HLA-F: variants seen among roughly 807,000 people sequenced by gnomAD.
The protein encoded by HLA-F is major histocompatibility complex, class I, F, also known as HLA class I histocompatibility antigen, alpha chain F.
In HLA-F, 46 loss-of-function variants were observed where a neutral mutation model predicts 49.5. The observed-to-expected ratio is 0.93, with a 90% CI of 0.73 to 1.19. The LOEUF is 1.19. Ranked by LOEUF, HLA-F falls within the 50% of genes most tolerant of loss-of-function variation. The pLI, the probability that HLA-F is intolerant of heterozygous loss-of-function variation, is 0.00. For missense variants in HLA-F, 496 were observed against 579.6 expected (o/e 0.86, Z 1.48); for synonymous variants, 203 against 233.5 (o/e 0.87, Z 1.19).
chr6:29,724,046 C>A, intron 2 of HLA-F, 119 bp downstream of exon 2: 1 of 1,545,664 alleles, frequency 6.5e-7, no homozygotes. Context: ...CCCGCCCAGA[C>A]CCTCCACCCG....
In HLA-F at chr6:29,726,963, T is replaced by C. The variant is rs529606821; in HGVS notation, c.1117T>C (p.Leu373=). 6 of 1,612,726 alleles carry C rather than the reference T, an allele frequency of 3.7e-6. No individual in the cohort carries two copies. The highest frequency in any genetic ancestry group is 2.2e-5 in the East Asian group (1 of 44,884). ...FLLGVLFQGY[L]GCLRSHSVLG... is the part of the protein sequence containing the mutation. ...CCTGGGGGTGCTCTTCCAAGGATATTTGGGCTGCCTCCGGAGTCACAGTGT... is the reference window on the plus strand; with the variant it reads ...CCTGGGGGTGCTCTTCCAAGGATATCTGGGCTGCCTCCGGAGTCACAGTGT... Residue 373 remains leucine, a synonymous_variant, in exon 7 of 7, where the codon TTG becomes CTG. Transcript: ENST00000259951.
At chr6:29,726,103 G>C in intron 6 of HLA-F, 60 bp downstream of exon 6, 1 of 1,522,568 alleles carries the variant, frequency 6.6e-7, no homozygotes, top group African/African-American at 1.4e-5. Context: ...GAGCCTATGA[G>C]GGAGCTCACC....
downstream of HLA-F, chr6:29,728,130 G>T (rs1341645195): frequency 1.9e-6 from 1 of 515,932 alleles, no homozygotes; most frequent in South Asian, 1.4e-5. Context: ...ACATCCTGCA[G>T]TGCACAAGTC....
chr6:29,728,004 G>A (rs1334811854), downstream of HLA-F: 4 of 519,008 alleles, frequency 7.7e-6, no homozygotes, highest in South Asian at 4.2e-5. Flanking sequence ...TTCTCATCCA[G>A]GAGCAATTTT....
Position 29,724,251 on chromosome 6 carries a change from C to G in HLA-F, c.413C>G (p.Ala138Gly). 6.2e-7 allele frequency: 1 copy of G among 1,613,254 alleles called. No individual in the cohort carries two copies. The highest frequency in any genetic ancestry group is 8.5e-7 in the Non-Finnish European group (1 of 1,180,040). The change falls in exon 3 of 7, where the codon GCG becomes GGG. Residue 138 changes from alanine to glycine, a missense_variant. Physicochemically the swap from Ala to Gly is moderately conservative, Grantham distance 60. Transcript: ENST00000259951. ...CTCCTCCGCGGGTATCACCAGCACG[C>G]GTACGACGGCAAGGATTACATCTCC... ...GRLLRGYHQH[A>G]YDGKDYISLN...
chr6:29,735,625 G>A (rs2127599865), intron 3 of HLA-F: 1 of 151,914 alleles, frequency 6.6e-6, no homozygotes, highest in Admixed American at 6.5e-5. Context: ...TGATTATAAT[G>A]TTCTCTTGGT....
downstream of HLA-F, among the ~76,000 whole-genome samples, chr6:29,730,907 G>A (rs1171840265): frequency 3.9e-5 from 6 of 152,050 alleles, no homozygotes; most frequent in Admixed American, 2.6e-4. Context: ...CCAGCCTTTT[G>A]TCACTGCTCC....
At chr6:29,732,259 G>A (rs774501365), downstream of HLA-F, among the ~76,000 whole-genome samples, 1 of 151,966 alleles carries the variant, frequency 6.6e-6, no homozygotes, top group Non-Finnish European at 1.5e-5. Context: ...TTGAGGCACC[G>A]CACCTGGCCT....
downstream of HLA-F, chr6:29,728,207 C>A: frequency 2.5e-6 from 1 of 395,768 alleles, no homozygotes; most frequent in Admixed American, 2.8e-5. Flanking sequence ...GGTAAGGAGG[C>A]CTGCCAGGAC....
At chr6:29,726,586 G>A in intron 6 of HLA-F, 1 of 1,445,576 alleles carries the variant, frequency 6.9e-7, no homozygotes, top group South Asian at 1.3e-5. Flanking sequence ...TGTGTGTGAA[G>A]AGAAAGAGTG....
chr6:29,733,718 G>T (rs546708589), intron 3 of HLA-F, among the ~76,000 whole-genome samples: 1 of 152,172 alleles, frequency 6.6e-6, no homozygotes, highest in African/African-American at 2.4e-5. Context: ...CAGAAATGCC[G>T]ATTATGGCAC....
Position 29,723,437 on chromosome 6 carries a change from T to C in HLA-F, c.-27T>C, listed in dbSNP as rs1562284087. On this transcript the variant is annotated 5_prime_UTR_variant, in exon 1 of 7. Coordinates refer to ENST00000259951, the MANE Select transcript of HLA-F (RefSeq NM_001098479.2). ...TCCCACGCACCCCGCGGGACTCATA[T>C]TTTTCCCAGACGCGGAGGTTGGGGT... 3 of 1,612,650 alleles carry C rather than the reference T, an allele frequency of 1.9e-6. No individual in the cohort carries two copies. The highest frequency in any genetic ancestry group is 2.2e-5 in the South Asian group (2 of 91,038).
chr6:29,727,096 G>T lies in HLA-F; in HGVS notation c.1250G>T (p.Gly417Val). 6.2e-7 allele frequency: 1 copy of T among 1,612,832 alleles called. No individual in the cohort carries two copies. Among genetic ancestry groups the T allele is most frequent in the Non-Finnish European group, 8.5e-7 (1 of 1,179,986 alleles). The change falls in exon 7 of 7, where the codon GGC (glycine) becomes GTC (valine). Residue 417 changes from glycine to valine, a missense_variant. Coordinates refer to ENST00000259951, the MANE Select transcript of HLA-F (RefSeq NM_001098479.2). ...TTGCAAAGCCTTCGCTTTGGCTTCGGCTTTAGGAGGGGCAGGAGCTTCCTT... is the reference window on the plus strand; with the variant it reads ...TTGCAAAGCCTTCGCTTTGGCTTCGTCTTTAGGAGGGGCAGGAGCTTCCTT... Reference protein sequence around the residue: ...LALQSLRFGFGFRRGRSFLLR... With the variant: ...LALQSLRFGFVFRRGRSFLLR...
intron 6 of HLA-F, chr6:29,726,448 G>T (rs757488269): frequency 2.5e-6 from 4 of 1,610,218 alleles, no homozygotes; most frequent in Non-Finnish European, 3.4e-6. Flanking sequence ...AGATATCAAT[G>T]TAGCAGAATT....
rs112819921 is a variant in HLA-F, at chr6:29,732,845, G to T, written c.404-5277G>T. Among the ~76,000 whole-genome samples the T allele has an allele frequency of 4.9e-3, 739 of 152,252 alleles. 7 individuals carry two copies. The highest frequency in any genetic ancestry group is 0.016 in the African/African-American group (684 of 41,520). ...ACATTCAAGATAACCCATGACATAT[G>T]AATGCAACCTTGTACAATAAAGATA... On this transcript the variant is annotated intron_variant, in intron 3 of 4. Transcript: ENST00000465459.
At chr6:29,727,397 G>T, downstream of HLA-F, 1 of 467,782 alleles carries the variant, frequency 2.1e-6, no homozygotes, top group Non-Finnish European at 3.7e-6. Context: ...CGTTGCCTTT[G>T]GTTATGTTTC....
intron 2 of HLA-F, 79 bp downstream of exon 2, chr6:29,724,006 G>A (rs1775683436): frequency 1.9e-6 from 3 of 1,552,392 alleles, no homozygotes; most frequent in Non-Finnish European, 2.6e-6. Context: ...CAGAGTCTCC[G>A]GATCCGAAAT....
chr6:29,735,286 ATAG>A (rs1776963179), intron 3 of HLA-F: 1 of 147,904 alleles, frequency 6.8e-6, no homozygotes, highest in Non-Finnish European at 1.5e-5. Context: ...ATATAATTTC[ATAG>A]TAGTACTATA....
At chr6:29,737,218 C>CAAAAAAAAAAAAAAAAAA (rs3030698) in intron 3 of HLA-F, among the ~76,000 whole-genome samples, 23 of 65,192 alleles carry the variant, frequency 3.5e-4, no homozygotes, top group East Asian at 5.3e-4. Flanking sequence ...ATCCTCATGG[C>CAAAAAAAAAAAAAAAAAA]AAAAAAAAAA....
Sources: allele counts gnomAD v4.1 joint callset (sites outside exome capture counted in the v4.1 genomes callset), GRCh38; gene constraint gnomAD v4.1.1; transcripts MANE v1.5; gene names NCBI Gene and HGNC (gene_info 2026-07-23, HGNC 2026-07-21).